The following SNX29 variants were observed in gnomAD, a reference collection of about 807,000 sequenced individuals.
SNX29 encodes sorting nexin 29.
A neutral mutation model predicts 102.1 loss-of-function variants in SNX29; 78 were observed. The ratio of observed to expected loss-of-function variants is 0.76; its 90% confidence interval spans 0.64 to 0.92. The LOEUF (loss-of-function observed/expected upper bound fraction) is 0.92, where lower values mean the gene tolerates loss of function less well. Ranked by LOEUF, SNX29 falls within the 40% of genes least tolerant of loss-of-function variation. The probability of loss-of-function intolerance (pLI) is 0.00; values close to 1 mark genes in which losing one functional copy is unlikely to be tolerated. For missense variants in SNX29, 1,280 were observed against 1,061.7 expected, an observed-to-expected ratio of 1.21 and a Z score of -2.86; for synonymous variants, 580 against 414.5, an observed-to-expected ratio of 1.40 and a Z score of -4.85.
At chr16:12,394,766 G>C (rs1000294971) in intron 16 of SNX29, among the ~76,000 whole-genome samples, 4 of 152,332 alleles carry the variant, frequency 2.6e-5, no homozygotes, top group African/African-American at 9.6e-5. Flanking sequence ...AGTAGACTAA[G>C]AGATTTGGCT....
Position 12,078,130 on chromosome 16 carries a change from G to A in SNX29, c.1320-703G>A, listed in dbSNP as rs375942098. On this transcript the variant is annotated intron_variant, in intron 10 of 20. Transcript: ENST00000566228. ...AGCCTTCCTGTGCTTAGGAACTGTC[G>A]GCAGTACCACTTCAGCACTGTGCTT... Among the ~76,000 whole-genome samples, 106 of 152,138 alleles carry A rather than the reference G, an allele frequency of 7.0e-4. 1 individual carries two copies. Among genetic ancestry groups the A allele is most frequent in the African/African-American group, 2.3e-3 (97 of 41,510 alleles).
intron 18 of SNX29, among the ~76,000 whole-genome samples, chr16:12,460,836 C>G (rs1378416462): frequency 6.6e-6 from 1 of 151,884 alleles, no homozygotes. Context: ...AATTTTTGTA[C>G]TTTTAGTAGA....
intron 15 of SNX29, among the ~76,000 whole-genome samples, chr16:12,330,093 A>G (rs1319264141): frequency 6.6e-6 from 1 of 152,182 alleles, no homozygotes; most frequent in African/African-American, 2.4e-5. Flanking sequence ...TTGAGAATTA[A>G]ATAATTTACA....
chr16:12,209,224 G>C (rs1326151739), intron 14 of SNX29, among the ~76,000 whole-genome samples: 2 of 152,196 alleles, frequency 1.3e-5, no homozygotes, highest in Non-Finnish European at 2.9e-5. Flanking sequence ...TTGGAGCCTG[G>C]AGAGATGATG....
intron 18 of SNX29, among the ~76,000 whole-genome samples, chr16:12,453,534 G>A (rs1201284101): frequency 2.6e-5 from 4 of 152,118 alleles, no homozygotes; most frequent in Non-Finnish European, 4.4e-5. Flanking sequence ...TCCAGCTGGA[G>A]TAAGGGCTCA....
At chr16:12,053,820 G>A (rs922577205) in intron 8 of SNX29, among the ~76,000 whole-genome samples, 7 of 151,996 alleles carry the variant, frequency 4.6e-5, no homozygotes, top group South Asian at 2.1e-4. Context: ...ATTGTAAGAC[G>A]TCTAGCAGCC....
intron 4 of SNX29, chr16:12,029,593 AT>A (rs56970661): frequency 0.61 from 260,382 of 425,718 alleles, 52,586 homozygotes; most frequent in African/African-American, 0.71. Context: ...TTGGAATTTG[AT>A]TTTTTTTTTT....
At chr16:12,111,533 C>T (rs925594928) in intron 11 of SNX29, among the ~76,000 whole-genome samples, 2 of 152,154 alleles carry the variant, frequency 1.3e-5, no homozygotes, top group Non-Finnish European at 2.9e-5. Context: ...GTCTCAGTGA[C>T]ACAGTGGGGA....
intron 20 of SNX29, among the ~76,000 whole-genome samples, chr16:12,537,472 C>G (rs372084266): frequency 5.4e-5 from 8 of 148,952 alleles, no homozygotes; most frequent in Non-Finnish European, 7.6e-5. Context: ...GCATCCTCAT[C>G]TATAAAATTG....
intron 18 of SNX29, among the ~76,000 whole-genome samples, chr16:12,408,887 G>GC (rs1228327115): frequency 6.6e-6 from 1 of 152,186 alleles, no homozygotes; most frequent in East Asian, 1.9e-4. Context: ...CAGTCACAGA[G>GC]CCCCCACTAC....
intron 5 of SNX29, among the ~76,000 whole-genome samples, chr16:12,043,501 T>A (rs945802296): frequency 6.6e-6 from 1 of 152,014 alleles, no homozygotes; most frequent in Non-Finnish European, 1.5e-5. Flanking sequence ...ACCCTAAGCG[T>A]ACGCCACCAT....
chr16:12,542,906 G>A (rs562958852), intron 20 of SNX29, among the ~76,000 whole-genome samples: 1 of 152,214 alleles, frequency 6.6e-6, no homozygotes, highest in Non-Finnish European at 1.5e-5. Flanking sequence ...TTTGAGTAGG[G>A]AATCTTTGCT....
In SNX29 at chr16:12,023,371, AC is replaced by A. The variant is rs369067567; in HGVS notation, c.123-3943del. 2.4e-3 allele frequency among the ~76,000 whole-genome samples: 349 copies of A among 143,928 alleles called. 1 individual carries two copies. The highest frequency in any genetic ancestry group is 8.5e-3 in the African/African-American group (329 of 38,778). The allele number at this position is 143,928 out of a possible 152,430, so 94.4% of individuals were successfully genotyped here. Reference sequence around the variant, plus strand: ...GTCTGCAGTAGAGAGTATTCTGGGAACCCCCCAGCCCTCTCAACAAAGTGAG... The same window carrying A: ...GTCTGCAGTAGAGAGTATTCTGGGAACCCCCAGCCCTCTCAACAAAGTGAG... On this transcript the variant is annotated intron_variant, in intron 3 of 20. Transcript: ENST00000566228.
chr16:12,521,767 A>G (rs1293081464), intron 19 of SNX29, among the ~76,000 whole-genome samples: 1 of 152,186 alleles, frequency 6.6e-6, no homozygotes, highest in Admixed American at 6.5e-5. Flanking sequence ...GGCGGGTTGA[A>G]ACTTGGCAAC....
At chr16:12,493,369 T>A (rs2088648612) in intron 19 of SNX29, among the ~76,000 whole-genome samples, 1 of 152,228 alleles carries the variant, frequency 6.6e-6, no homozygotes, top group Non-Finnish European at 1.5e-5. Flanking sequence ...TGCTTGTGAT[T>A]TTTGCACATT....
chr16:12,564,235 A>C lies in SNX29; in HGVS notation c.2319-4271A>C, dbSNP rs181423410. 4.6e-5 allele frequency among the ~76,000 whole-genome samples: 7 copies of C among 152,266 alleles called. No homozygotes were observed. In the East Asian group the frequency reaches 5.8e-4, roughly 13 times the overall value. ...AGACCCCCACATCTCTAAGAGAAAA[A>C]AATCTCTACTCAGTTCCTTTGGTAT... On this transcript the variant is annotated intron_variant, in intron 20 of 20. Transcript: ENST00000566228.
At chr16:12,563,908 C>T (rs950813622) in intron 20 of SNX29, among the ~76,000 whole-genome samples, 3 of 152,202 alleles carry the variant, frequency 2.0e-5, no homozygotes, top group Non-Finnish European at 4.4e-5. Flanking sequence ...CTGGAGCAGG[C>T]AGCCGAAGAC....
intron 18 of SNX29, chr16:12,443,196 G>A: frequency 2.8e-6 from 1 of 359,510 alleles, no homozygotes; most frequent in Non-Finnish European, 5.5e-6. Context: ...AAGCTGCTCA[G>A]TAGATCCTGC....
intron 18 of SNX29, among the ~76,000 whole-genome samples, chr16:12,427,248 A>G (rs558989682): frequency 7.2e-5 from 11 of 151,802 alleles, no homozygotes; most frequent in Non-Finnish European, 1.5e-4. Context: ...GTGTTCCCTC[A>G]TCTTCCAGGT....
Sources: allele counts gnomAD v4.1 joint callset (sites outside exome capture counted in the v4.1 genomes callset), GRCh38; gene constraint gnomAD v4.1.1; transcripts MANE v1.5; gene names NCBI Gene and HGNC (gene_info 2026-07-23, HGNC 2026-07-21).